The following AFF3 variants were observed in gnomAD, a reference collection of about 807,000 sequenced individuals.
The protein encoded by AFF3 is ALF transcription elongation factor 3.
A neutral mutation model predicts 129.7 loss-of-function variants in AFF3; 32 were observed. That is an observed-to-expected ratio of 0.25 (90% CI 0.19 to 0.33). The LOEUF (loss-of-function observed/expected upper bound fraction) is 0.33, where lower values mean the gene tolerates loss of function less well. Ranked by LOEUF, AFF3 falls within the 10% of genes least tolerant of loss-of-function variation. The pLI is 1.00. For missense variants in AFF3, 1,373 were observed against 1,592.0 expected (o/e 0.86, Z 2.34); for synonymous variants, 644 against 635.4 (o/e 1.01, Z -0.20).
In AFF3 at chr2:100,006,624, A is replaced by G; in HGVS notation, c.873+8T>C. 1.9e-6 allele frequency: 3 copies of G among 1,600,770 alleles called. No homozygotes were observed. Among genetic ancestry groups the G allele is most frequent in the Non-Finnish European group, 2.6e-6 (3 of 1,170,246 alleles). ...AGTTGCATGTGAACGGTGCTGATAAAGACTCACCTCCCCCTGCTTGGGGAT... is the reference window on the plus strand; with the variant it reads ...AGTTGCATGTGAACGGTGCTGATAAGGACTCACCTCCCCCTGCTTGGGGAT... On this transcript the variant is annotated splice_region_variant and intron_variant, in intron 7 of 24. Transcript: ENST00000672756.
intron 11 of AFF3, among the ~76,000 whole-genome samples, chr2:99,717,203 T>C (rs1177714494): frequency 6.6e-6 from 1 of 152,242 alleles, no homozygotes; most frequent in African/African-American, 2.4e-5. Flanking sequence ...CTTGCACGAA[T>C]CTTTTTAATG....
At chr2:99,662,537 G>A (rs1311831107) in intron 12 of AFF3, among the ~76,000 whole-genome samples, 1 of 152,120 alleles carries the variant, frequency 6.6e-6, no homozygotes, top group African/African-American at 2.4e-5. Context: ...CTGTGGTTAA[G>A]TTATCATAAC....
At chr2:100,061,367 C>T (rs1687257027) in intron 4 of AFF3, among the ~76,000 whole-genome samples, 1 of 151,904 alleles carries the variant, frequency 6.6e-6, no homozygotes, top group African/African-American at 2.4e-5. Context: ...ACGGCCCTTC[C>T]CTATTGTTGC....
chr2:100,068,954 T>A (rs1026789077), intron 4 of AFF3, among the ~76,000 whole-genome samples: 11 of 152,166 alleles, frequency 7.2e-5, no homozygotes, highest in African/African-American at 9.7e-5. Flanking sequence ...CCAAACCTTG[T>A]ATTTTTTAAG....
chr2:100,049,568 T>C (rs1364572675), intron 4 of AFF3, among the ~76,000 whole-genome samples: 1 of 152,202 alleles, frequency 6.6e-6, no homozygotes, highest in Non-Finnish European at 1.5e-5. Flanking sequence ...ATATTCAGGT[T>C]AAAGTGTCCT....
chr2:99,615,731 G>A (rs1286003709), intron 13 of AFF3, among the ~76,000 whole-genome samples: 3 of 152,254 alleles, frequency 2.0e-5, no homozygotes, highest in Non-Finnish European at 4.4e-5. Context: ...TGGGATGGCC[G>A]TGCCAGGGGT....
chr2:99,952,504 C>T (rs1676259000), intron 7 of AFF3, among the ~76,000 whole-genome samples: 2 of 152,154 alleles, frequency 1.3e-5, no homozygotes, highest in South Asian at 4.1e-4. Flanking sequence ...TGTCCCGCTG[C>T]CCCCATCATG....
chr2:100,110,681 A>G (rs1223017972), intron 2 of AFF3, among the ~76,000 whole-genome samples: 4 of 152,212 alleles, frequency 2.6e-5, no homozygotes, highest in Admixed American at 2.0e-4. Flanking sequence ...GGGGTCCCCA[A>G]GTCCCAAACA....
intron 11 of AFF3, among the ~76,000 whole-genome samples, chr2:99,679,662 T>C (rs1483244790): frequency 6.6e-6 from 1 of 152,230 alleles, no homozygotes; most frequent in Non-Finnish European, 1.5e-5. Context: ...CAGTCAGTGG[T>C]ACAGAGTCTG....
chr2:99,800,837 A>G (rs1179659750), intron 8 of AFF3, among the ~76,000 whole-genome samples: 2 of 152,212 alleles, frequency 1.3e-5, no homozygotes, highest in African/African-American at 4.8e-5. Context: ...AGTACATGCT[A>G]TATGATTCTA....
chr2:100,048,531 C>T (rs994121063), intron 4 of AFF3, among the ~76,000 whole-genome samples: 6 of 152,134 alleles, frequency 3.9e-5, no homozygotes, highest in Non-Finnish European at 5.9e-5. Context: ...ATTAGTGAAA[C>T]CCATTTATGA....
intron 7 of AFF3, among the ~76,000 whole-genome samples, chr2:99,876,872 A>G (rs1182825840): frequency 6.6e-6 from 1 of 152,148 alleles, no homozygotes; most frequent in Non-Finnish European, 1.5e-5. Context: ...TATTTCCTCC[A>G]GCTTTTCAGC....
chr2:99,717,466 C>T (rs1678499676), intron 11 of AFF3, among the ~76,000 whole-genome samples: 1 of 152,148 alleles, frequency 6.6e-6, no homozygotes, highest in African/African-American at 2.4e-5. Context: ...TTGTATTTCC[C>T]TAAAATAAAC....
intron 7 of AFF3, among the ~76,000 whole-genome samples, chr2:99,925,362 G>T (rs898716705): frequency 6.6e-5 from 10 of 152,008 alleles, no homozygotes; most frequent in African/African-American, 2.4e-4. Context: ...TACAAAATAA[G>T]TATATAAATA....
At chr2:99,587,045 C>A (rs1302253035) in intron 16 of AFF3, 109 bp downstream of exon 16, 1 of 1,467,078 alleles carries the variant, frequency 6.8e-7, no homozygotes. Flanking sequence ...GTCTGCAGAC[C>A]TTGACCAGAG....
rs555147406 is a variant in AFF3 at position 99,897,417 on chromosome 2, C to T, written c.874-59893G>A. Among the ~76,000 whole-genome samples, 344 of 152,242 alleles carry T rather than the reference C, an allele frequency of 2.3e-3. 1 individual carries two copies. Among genetic ancestry groups the T allele is most frequent in the Admixed American group, 6.3e-3 (97 of 15,288 alleles). On this transcript the variant is annotated intron_variant, in intron 7 of 24. Coordinates refer to ENST00000672756, the MANE Select transcript of AFF3 (RefSeq NM_001386135.1). ...ATCGTAGGAGTGAAATAGAGTCACACGGACTGTGGCTATCAGGCCCCCTCA... is the reference window on the plus strand; with the variant it reads ...ATCGTAGGAGTGAAATAGAGTCACATGGACTGTGGCTATCAGGCCCCCTCA...
At chr2:100,036,679 T>C (rs1184232711) in intron 4 of AFF3, among the ~76,000 whole-genome samples, 1 of 151,670 alleles carries the variant, frequency 6.6e-6, no homozygotes, top group Non-Finnish European at 1.5e-5. Flanking sequence ...ATGTGACATA[T>C]AAGAGAAGGG....
At chr2:99,859,967 T>TG (rs1318284001) in intron 7 of AFF3, among the ~76,000 whole-genome samples, 1 of 152,186 alleles carries the variant, frequency 6.6e-6, no homozygotes, top group African/African-American at 2.4e-5. Context: ...GTTATTTCAG[T>TG]GGTTATTCTT....
chr2:99,586,597 A>T (rs1386853276), intron 16 of AFF3, among the ~76,000 whole-genome samples: 1 of 152,112 alleles, frequency 6.6e-6, no homozygotes. Flanking sequence ...AATACCTGGG[A>T]TCTTGCTTTG....
Sources: gnomAD v4.1 joint callset for allele counts (sites outside exome capture counted in the v4.1 genomes callset) on GRCh38, gnomAD v4.1.1 for gene constraint, MANE v1.5 for transcripts, NCBI Gene and HGNC (gene_info 2026-07-23, HGNC 2026-07-21) for gene names.